Variants in MECOM observed in about 807,000 individuals in gnomAD.
MECOM encodes histone-lysine N-methyltransferase MECOM.
In MECOM, 13 loss-of-function variants were observed where a neutral mutation model predicts 116.3. The observed-to-expected ratio is 0.11, with a 90% CI of 0.07 to 0.18. The LOEUF (loss-of-function observed/expected upper bound fraction) is 0.18, where lower values mean the gene tolerates loss of function less well. MECOM is among the 10% of genes least tolerant of loss of function. The pLI is 1.00. For synonymous variants in MECOM, 528 were observed against 535.2 expected (o/e 0.99, Z 0.19); for missense variants, 1,299 against 1,509.0 (o/e 0.86, Z 2.31).
chr3:169,631,268 A>G (rs1418398462), intron 1 of MECOM, among the ~76,000 whole-genome samples: 1 of 152,242 alleles, frequency 6.6e-6, no homozygotes, highest in African/African-American at 2.4e-5. Context: ...ATTTCCTTCA[A>G]GCACTCACTT....
chr3:169,453,233 C>CA (rs1462759586), intron 1 of MECOM, among the ~76,000 whole-genome samples: 1 of 152,182 alleles, frequency 6.6e-6, no homozygotes, highest in African/African-American at 2.4e-5. Flanking sequence ...CTTCAGAGAG[C>CA]AAGCAACTAT....
chr3:169,251,943 C>T (rs1756291967), intron 2 of MECOM, among the ~76,000 whole-genome samples: 1 of 152,056 alleles, frequency 6.6e-6, no homozygotes, highest in Non-Finnish European at 1.5e-5. Flanking sequence ...ACAGATAATA[C>T]AAACATGTAT....
chr3:169,237,526 T>C (rs1302983397), intron 2 of MECOM, among the ~76,000 whole-genome samples: 1 of 151,196 alleles, frequency 6.6e-6, no homozygotes, highest in African/African-American at 2.4e-5. Flanking sequence ...CTTCCTTTAT[T>C]GATGTGCTGT....
rs924374509 is a variant in MECOM, at chr3:169,169,668, G to T, written c.376-25836C>A. Among the ~76,000 whole-genome samples the T allele has an allele frequency of 3.1e-4, 47 of 152,184 alleles. 2 individuals carry two copies. Among genetic ancestry groups the T allele is most frequent in the African/African-American group, 1.1e-3 (46 of 41,522 alleles). ...CCTTCAGAATATAATTCCAAAATGT[G>T]AAATAATGTGCACCAGATAGTGAGA... On this transcript the variant is annotated intron_variant, in intron 2 of 16. Coordinates refer to ENST00000651503, the MANE Select transcript of MECOM (RefSeq NM_004991.4).
At chr3:169,101,446 C>T (rs996268238) in intron 11 of MECOM, among the ~76,000 whole-genome samples, 2 of 151,978 alleles carry the variant, frequency 1.3e-5, no homozygotes, top group Non-Finnish European at 2.9e-5. Context: ...GGTATGTACC[C>T]ATAAAAGCTT....
At chr3:169,482,495 C>T (rs1365235626) in intron 1 of MECOM, among the ~76,000 whole-genome samples, 2 of 152,060 alleles carry the variant, frequency 1.3e-5, no homozygotes, top group African/African-American at 4.8e-5. Context: ...CCACCACGCC[C>T]GGCTAATTTT....
intron 2 of MECOM, among the ~76,000 whole-genome samples, chr3:169,380,036 A>G (rs933391074): frequency 1.3e-5 from 2 of 152,174 alleles, no homozygotes; most frequent in African/African-American, 2.4e-5. Context: ...GAATTTGAAC[A>G]AGAATTGCTT....
chr3:169,661,955 C>G (rs944585658), intron 1 of MECOM, among the ~76,000 whole-genome samples: 2 of 152,210 alleles, frequency 1.3e-5, no homozygotes, highest in Non-Finnish European at 2.9e-5. Context: ...CAGCTCCAGC[C>G]CCGCCTATTG....
intron 2 of MECOM, chr3:169,149,629 G>A (rs34281122): frequency 0.011 from 5,196 of 482,402 alleles, 36 homozygotes; most frequent in South Asian, 0.014. Context: ...AGCTACGAGA[G>A]GAAGGCACAC....
At chr3:169,088,083 C>T (rs964842305) in intron 16 of MECOM, among the ~76,000 whole-genome samples, 2 of 152,194 alleles carry the variant, frequency 1.3e-5, no homozygotes, top group Non-Finnish European at 2.9e-5. Context: ...CAAACCCAGA[C>T]ATCTTACCCA....
intron 1 of MECOM, among the ~76,000 whole-genome samples, chr3:169,577,229 A>G (rs1366391556): frequency 1.3e-5 from 2 of 152,254 alleles, no homozygotes; most frequent in Non-Finnish European, 2.9e-5. Context: ...AACTTAGTAC[A>G]GTGCCCAGCA....
At chr3:169,399,044 G>C (rs538349849) in intron 1 of MECOM, among the ~76,000 whole-genome samples, 1 of 152,014 alleles carries the variant, frequency 6.6e-6, no homozygotes, top group African/African-American at 2.4e-5. Flanking sequence ...TACATAAAAC[G>C]TACCTCAAAA....
chr3:169,573,471 C>T (rs1376358405), intron 1 of MECOM, among the ~76,000 whole-genome samples: 5 of 152,134 alleles, frequency 3.3e-5, no homozygotes, highest in African/African-American at 7.2e-5. Context: ...AGGTATCTGA[C>T]GGCAGCCGAA....
intron 2 of MECOM, among the ~76,000 whole-genome samples, chr3:169,367,222 G>A (rs763192739): frequency 6.6e-5 from 10 of 152,094 alleles, no homozygotes; most frequent in Non-Finnish European, 1.3e-4. Flanking sequence ...TGCTGGATGT[G>A]TGAGATACTG....
chr3:169,510,264 C>T (rs754939122), intron 1 of MECOM, among the ~76,000 whole-genome samples: 1 of 152,098 alleles, frequency 6.6e-6, no homozygotes, highest in Non-Finnish European at 1.5e-5. Flanking sequence ...GAGGGAGTGT[C>T]CCCCCACCCC....
intron 2 of MECOM, among the ~76,000 whole-genome samples, chr3:169,375,410 T>C (rs1325241604): frequency 7.1e-6 from 1 of 140,862 alleles, no homozygotes; most frequent in Non-Finnish European, 1.6e-5. Flanking sequence ...AAAAAAAAAT[T>C]GACAAAATAG....
chr3:169,165,398 A>G (rs1467805314), intron 2 of MECOM, among the ~76,000 whole-genome samples: 1 of 152,182 alleles, frequency 6.6e-6, no homozygotes, highest in Non-Finnish European at 1.5e-5. Context: ...ATAGCATACC[A>G]GAAGTGTGTA....
intron 13 of MECOM, among the ~76,000 whole-genome samples, chr3:169,094,693 G>T (rs1269366367): frequency 6.6e-6 from 1 of 152,178 alleles, no homozygotes; most frequent in Non-Finnish European, 1.5e-5. Flanking sequence ...TATTCAGAGG[G>T]TGACATTCTG....
At chr3:169,603,314 A>G (rs1768054202) in intron 1 of MECOM, among the ~76,000 whole-genome samples, 1 of 152,198 alleles carries the variant, frequency 6.6e-6, no homozygotes, top group Non-Finnish European at 1.5e-5. Context: ...AAGGATATAA[A>G]AAATATTTTT....
Sources: gnomAD v4.1 joint callset for allele counts (sites outside exome capture counted in the v4.1 genomes callset) on GRCh38, gnomAD v4.1.1 for gene constraint, MANE v1.5 for transcripts, NCBI Gene and HGNC (gene_info 2026-07-23, HGNC 2026-07-21) for gene names.